BLMH: variants seen among roughly 807,000 people sequenced by gnomAD.
BLMH encodes the protein bleomycin hydrolase, also known as BLM hydrolase.
A neutral mutation model predicts 61.6 loss-of-function variants in BLMH; 32 were observed. The observed-to-expected ratio is 0.52, with a 90% confidence interval of 0.39 to 0.70. The LOEUF is 0.70. BLMH is among the 30% of genes least tolerant of loss of function. BLMH has a pLI of 0.00. For synonymous variants in BLMH, 183 were observed against 193.8 expected (o/e 0.94, Z 0.46); for missense variants, 460 against 555.5 (o/e 0.83, Z 1.73).
In BLMH at chr17:30,286,911, A is replaced by T; in HGVS notation, c.464-9T>A. On this transcript the variant is annotated splice_polypyrimidine_tract_variant and intron_variant, in intron 4 of 11. Transcript: ENST00000261714. ...GATAACACCATATTTTTCTAAAAGAAAACAAATTCTAGTGTTAAAGAAGGT... is the reference window on the plus strand; with the variant it reads ...GATAACACCATATTTTTCTAAAAGATAACAAATTCTAGTGTTAAAGAAGGT... 1 of 1,537,250 alleles carries T rather than the reference A, an allele frequency of 6.5e-7. No individual in the cohort carries two copies. The highest frequency in any genetic ancestry group is 1.7e-4 in the Middle Eastern group (1 of 5,892).
intron 9 of BLMH, 162 bp downstream of exon 9, chr17:30,272,399 C>T: frequency 5.3e-6 from 4 of 751,528 alleles, no homozygotes; most frequent in Non-Finnish European, 9.1e-6. Flanking sequence ...TGTGGAGTTT[C>T]TGCTATGAGT....
intron 6 of BLMH, among the ~76,000 whole-genome samples, chr17:30,282,622 GC>G (rs1405293063): frequency 2.0e-5 from 3 of 152,176 alleles, no homozygotes; most frequent in African/African-American, 7.2e-5. Flanking sequence ...GATCTGCCTT[GC>G]CTGTCATCTC....
intron 11 of BLMH, among the ~76,000 whole-genome samples, chr17:30,258,037 T>C (rs540908068): frequency 6.6e-6 from 1 of 152,292 alleles, no homozygotes; most frequent in East Asian, 1.9e-4. Context: ...CTCACTATGT[T>C]GCCCAGGCTG....
intron 10 of BLMH, among the ~76,000 whole-genome samples, chr17:30,270,501 C>CA (rs5819891): frequency 0.18 from 12,546 of 71,618 alleles, 971 homozygotes; most frequent in African/African-American, 0.29. Context: ...GACTCCATCT[C>CA]AAAAAAAAAA....
At chr17:30,263,285 A>C (rs1908013295) in intron 11 of BLMH, among the ~76,000 whole-genome samples, 1 of 152,218 alleles carries the variant, frequency 6.6e-6, no homozygotes, top group African/African-American at 2.4e-5. Context: ...TTCTCAGATG[A>C]ATTTCTGACT....
Position 30,249,001 on chromosome 17 carries a change from G to T in BLMH, c.*16C>A, listed in dbSNP as rs1294471220. 1.2e-6 allele frequency: 2 copies of T among 1,613,454 alleles called. No individual in the cohort carries two copies. Among genetic ancestry groups the T allele is most frequent in the Admixed American group, 3.3e-5 (2 of 59,984 alleles). ...CGTCAGGTTCCATGGAAGGAGGAAAGAGCTGGAGGGCAGTATCACTCAGCC... is the reference window on the plus strand; with the variant it reads ...CGTCAGGTTCCATGGAAGGAGGAAATAGCTGGAGGGCAGTATCACTCAGCC... On this transcript the variant is annotated 3_prime_UTR_variant, in exon 12 of 12. Coordinates refer to ENST00000261714, the MANE Select transcript of BLMH (RefSeq NM_000386.4).
intron 11 of BLMH, among the ~76,000 whole-genome samples, chr17:30,266,672 T>C (rs1297055974): frequency 6.6e-6 from 1 of 152,028 alleles, no homozygotes; most frequent in South Asian, 2.1e-4. Context: ...ATGCAGCACA[T>C]AGCAGTCTCA....
intron 2 of BLMH, chr17:30,291,037 C>T: frequency 2.3e-6 from 1 of 433,182 alleles, no homozygotes; most frequent in South Asian, 3.5e-5. Context: ...CTACAAACCA[C>T]ACAGCATTGG....
chr17:30,260,012 C>T (rs1051578888), intron 11 of BLMH, among the ~76,000 whole-genome samples: 2 of 152,076 alleles, frequency 1.3e-5, no homozygotes, highest in Non-Finnish European at 1.5e-5. Context: ...GTTCTCTTGC[C>T]GTCAGTCTAT....
At chr17:30,286,623 T>A (rs1908734347) in intron 5 of BLMH, among the ~76,000 whole-genome samples, 191 bp downstream of exon 5, 1 of 152,190 alleles carries the variant, frequency 6.6e-6, no homozygotes, top group African/African-American at 2.4e-5. Context: ...GGAAGTTTTT[T>A]AAAAGGAAAA....
Position 30,286,897 on chromosome 17 carries a change from ATT to A in BLMH, c.467_468del (p.Lys156IlefsTer6), listed in dbSNP as rs1312116284. 6 of 1,575,712 alleles carry A rather than the reference ATT, an allele frequency of 3.8e-6. No homozygotes were observed. ...AAGCATTTCTTAGGGATAACACCAT[ATT>A]TTTCTAAAAGAAAACAAATTCTAGT... ...QWDMLVNIVE[K>X]YGVIPKKCFP... On this transcript the variant is annotated frameshift_variant, in exon 5 of 12. Coordinates refer to ENST00000261714, the MANE Select transcript of BLMH (RefSeq NM_000386.4). LOFTEE classifies it high-confidence loss of function.
intron 11 of BLMH, among the ~76,000 whole-genome samples, chr17:30,258,252 A>G (rs2143020154): frequency 1.3e-5 from 2 of 152,108 alleles, no homozygotes; most frequent in South Asian, 4.2e-4. Context: ...AAGAGAACCA[A>G]AACCACCCCT....
intron 11 of BLMH, among the ~76,000 whole-genome samples, chr17:30,257,280 T>C (rs1907842346): frequency 6.6e-6 from 1 of 152,132 alleles, no homozygotes; most frequent in Admixed American, 6.6e-5. Context: ...AAATAAACTG[T>C]GGTAGATCCA....
intron 2 of BLMH, among the ~76,000 whole-genome samples, chr17:30,290,224 G>A (rs904706785): frequency 1.3e-5 from 2 of 152,174 alleles, no homozygotes; most frequent in African/African-American, 4.8e-5. Context: ...CACTGGTGAT[G>A]TGAAAACTGC....
intron 11 of BLMH, chr17:30,252,385 G>A (rs572392027): frequency 6.6e-6 from 1 of 151,980 alleles, no homozygotes; most frequent in East Asian, 1.9e-4. Context: ...ACGTGGCATA[G>A]CATACGTTTA....
At chr17:30,253,676 AAAAAG>A (rs1370715511) in intron 11 of BLMH, among the ~76,000 whole-genome samples, 4 of 152,222 alleles carry the variant, frequency 2.6e-5, no homozygotes, top group Non-Finnish European at 5.9e-5. Context: ...ATTCCAAGGA[AAAAAG>A]AAAAGAAAAC....
intron 11 of BLMH, among the ~76,000 whole-genome samples, chr17:30,251,563 T>C (rs1220002072): frequency 6.6e-6 from 1 of 152,252 alleles, no homozygotes; most frequent in East Asian, 1.9e-4. Flanking sequence ...CTCTGAAAGT[T>C]TGTATAAACC....
Position 30,248,792 on chromosome 17 carries a change from G to C in BLMH, c.*225C>G. 1.9e-6 allele frequency: 1 copy of C among 528,414 alleles called. No individual in the cohort carries two copies. The highest frequency in any genetic ancestry group is 3.3e-6 in the Non-Finnish European group (1 of 298,534). 32.7% of individuals were successfully genotyped at this position (528,414 alleles called of 1,614,324 possible). ...GATCCTGAGCTGTTAGAGATGAGGAGAGTAGATAGTATGACCTGATCTTCC... is the reference window on the plus strand; with the variant it reads ...GATCCTGAGCTGTTAGAGATGAGGACAGTAGATAGTATGACCTGATCTTCC... On this transcript the variant is annotated 3_prime_UTR_variant, in exon 12 of 12. Transcript: ENST00000261714.
intron 11 of BLMH, 49 bp downstream of exon 11, chr17:30,266,836 G>A (rs1482510825): frequency 4.5e-6 from 7 of 1,545,102 alleles, no homozygotes; most frequent in African/African-American, 2.7e-5. Context: ...GACAGGCAGA[G>A]TAGAGCAGGC....
Sources: gnomAD v4.1 joint callset for allele counts (sites outside exome capture counted in the v4.1 genomes callset) on GRCh38, gnomAD v4.1.1 for gene constraint, MANE v1.5 for transcripts, NCBI Gene and HGNC (gene_info 2026-07-23, HGNC 2026-07-21) for gene names.